Variants in TRIM14 observed in about 807,000 individuals in gnomAD.
TRIM14 encodes tripartite motif-containing protein 14.
TRIM14 carries 28 observed loss-of-function variants against 44.5 expected under a neutral mutation model. The observed-to-expected ratio is 0.63, with a 90% CI of 0.47 to 0.86. The LOEUF is 0.86. Ranked by LOEUF, TRIM14 falls within the 40% of genes least tolerant of loss-of-function variation. The probability of loss-of-function intolerance (pLI) is 0.00; values close to 1 mark genes in which losing one functional copy is unlikely to be tolerated. For synonymous variants in TRIM14, 299 were observed against 269.2 expected (o/e 1.11, Z -1.08); for missense variants, 607 against 611.1 (o/e 0.99, Z 0.07).
At chr9:98,053,501 C>A in the TRIM14 span, among the ~76,000 whole-genome samples, 1 of 152,128 alleles carries the variant, frequency 6.6e-6, no homozygotes, top group African/African-American at 2.4e-5. Context: ...TCCTGTGATG[C>A]CCCCTCCATT....
intron 6 of TRIM14, among the ~76,000 whole-genome samples, chr9:98,072,660 C>T (rs1483866722): frequency 1.3e-5 from 2 of 152,142 alleles, no homozygotes; most frequent in African/African-American, 4.8e-5. Context: ...CCACCCACCT[C>T]GGCCTCCCAA....
the TRIM14 span, among the ~76,000 whole-genome samples, chr9:98,063,562 G>T: frequency 4.7e-5 from 7 of 150,446 alleles, no homozygotes; most frequent in Non-Finnish European, 8.9e-5. Context: ...TGTTTTTTGA[G>T]ATGGGATCTT....
At chr9:98,061,475 T>G in the TRIM14 span, among the ~76,000 whole-genome samples, 1 of 101,150 alleles carries the variant, frequency 9.9e-6, no homozygotes, top group Non-Finnish European at 1.9e-5. Context: ...AGAGTCCATC[T>G]CAAATTAAAA....
At chr9:98,072,689 G>T (rs1207443374) in intron 6 of TRIM14, among the ~76,000 whole-genome samples, 1 of 152,140 alleles carries the variant, frequency 6.6e-6, no homozygotes, top group African/African-American at 2.4e-5. Flanking sequence ...GATTATAGGC[G>T]GGAGCCACCG....
intron 3 of TRIM14, among the ~76,000 whole-genome samples, chr9:98,097,798 G>T (rs532319583): frequency 2.7e-4 from 41 of 152,288 alleles, no homozygotes; most frequent in African/African-American, 9.9e-4. Flanking sequence ...TGTGAGAATA[G>T]CATGCTTCTC....
At chr9:98,057,045 C>G in the TRIM14 span, 1 of 1,367,264 alleles carries the variant, frequency 7.3e-7, no homozygotes, top group Non-Finnish European at 9.6e-7. Flanking sequence ...TACCCTGGTC[C>G]GGCCTCTTCC....
rs2118135281 is a variant in TRIM14, at chr9:98,085,666, ATAGTGCT to A, written c.*1797_*1803del. 1 of 152,088 alleles carries A rather than the reference ATAGTGCT, an allele frequency of 6.6e-6. No individual in the cohort carries two copies. Among genetic ancestry groups the A allele is most frequent in the East Asian group, 1.9e-4 (1 of 5,192 alleles). 9.4% of individuals were successfully genotyped at this position (152,088 alleles called of 1,614,324 possible). ...CCCTTTTTCTCAGGATTCCTGCAGC[ATAGTGCT>A]TAAAACTCTGTCCAGCCAGAGTTTT... On this transcript the variant is annotated 3_prime_UTR_variant, in exon 6 of 6. Transcript: ENST00000341469.
intron 1 of TRIM14, chr9:98,110,253 G>A (rs891251229): frequency 7.1e-6 from 3 of 420,280 alleles, no homozygotes; most frequent in African/African-American, 4.0e-5. Context: ...AGTCTTGCCT[G>A]TGACTTGCTT....
intron 2 of TRIM14, among the ~76,000 whole-genome samples, chr9:98,106,645 G>T (rs1349880682): frequency 6.6e-6 from 1 of 152,140 alleles, no homozygotes. Context: ...TACAGAATTT[G>T]TATGCTGAAA....
At chr9:98,074,294 A>G (rs1254024085) in intron 6 of TRIM14, among the ~76,000 whole-genome samples, 1 of 152,138 alleles carries the variant, frequency 6.6e-6, no homozygotes, top group Non-Finnish European at 1.5e-5. Flanking sequence ...TCAGACTCCC[A>G]CAGACTTTGT....
At chr9:98,094,752 C>G (rs1454023089) in intron 4 of TRIM14, 115 bp downstream of exon 4, 1 of 1,306,684 alleles carries the variant, frequency 7.7e-7, no homozygotes, top group Non-Finnish European at 1.1e-6. Context: ...GACCGCCCAG[C>G]CAAGGGCCTC....
At chr9:98,088,237 G>A (rs1327869034) in intron 5 of TRIM14, among the ~76,000 whole-genome samples, 1 of 152,238 alleles carries the variant, frequency 6.6e-6, no homozygotes, top group Non-Finnish European at 1.5e-5. Flanking sequence ...ATTTTGTGCC[G>A]TGAAATTTGT....
intron 2 of TRIM14, among the ~76,000 whole-genome samples, chr9:98,103,987 T>C (rs189766993): frequency 1.6e-4 from 24 of 152,256 alleles, no homozygotes; most frequent in Admixed American, 6.5e-4. Flanking sequence ...GGGGACAGCA[T>C]GTGGTTTGGC....
intron 1 of TRIM14, among the ~76,000 whole-genome samples, chr9:98,113,478 C>T (rs1214435986): frequency 6.6e-6 from 1 of 152,158 alleles, no homozygotes; most frequent in African/African-American, 2.4e-5. Context: ...CCTCAGCCCC[C>T]CAAGTAGCTG....
chr9:98,062,668 T>C, the TRIM14 span, among the ~76,000 whole-genome samples: 36 of 152,224 alleles, frequency 2.4e-4, no homozygotes, highest in Non-Finnish European at 4.4e-4. Flanking sequence ...CACAAACTTT[T>C]ACCCCACCTT....
chr9:98,080,905 G>T, downstream of TRIM14: 1 of 1,614,202 alleles, frequency 6.2e-7, no homozygotes, highest in Non-Finnish European at 8.5e-7. Flanking sequence ...TGGCTCTGGG[G>T]GCCAAGGTGT....
chr9:98,061,012 G>C, the TRIM14 span: 1 of 1,611,746 alleles, frequency 6.2e-7, no homozygotes, highest in Non-Finnish European at 8.5e-7. Context: ...GTCCTCTGCT[G>C]CTCTGTCATT....
rs2118446702 is a variant in TRIM14, at chr9:98,099,963, T to C, written c.505A>G (p.Ser169Gly). The change falls in exon 3 of 6, where the codon AGC (serine) becomes GGC (glycine). Residue 169 changes from serine to glycine, a missense_variant. By Grantham distance (56) the Ser-to-Gly change is moderately conservative. Coordinates refer to ENST00000341469, the MANE Select transcript of TRIM14 (RefSeq NM_014788.4). ...CTCTGGACAGGATCGGGCTCCTGGC[T>C]GATACTCCAGACCCTGTTGGAGAGA... ...NDLSNRVWSI[S>G]QEPDPVQRLQ... is the part of the protein sequence containing the mutation. 1 of 1,613,908 alleles carries C rather than the reference T, an allele frequency of 6.2e-7. No homozygotes were observed. The highest frequency in any genetic ancestry group is 1.1e-5 in the South Asian group (1 of 91,068).
At chr9:98,061,515 C>G in the TRIM14 span, among the ~76,000 whole-genome samples, 1 of 148,158 alleles carries the variant, frequency 6.7e-6, no homozygotes, top group Non-Finnish European at 1.5e-5. Context: ...GGCGCGGTGT[C>G]TCACACCTGT....
Sources: gnomAD v4.1 joint callset for allele counts (sites outside exome capture counted in the v4.1 genomes callset) on GRCh38, gnomAD v4.1.1 for gene constraint, MANE v1.5 for transcripts, NCBI Gene and HGNC (gene_info 2026-07-23, HGNC 2026-07-21) for gene names.